The following B3GALT1 variants were observed in gnomAD, a reference collection of about 807,000 sequenced individuals.
B3GALT1 encodes the protein beta-1,3-galactosyltransferase 1.
A neutral mutation model predicts 23.2 loss-of-function variants in B3GALT1; 10 were observed. The observed-to-expected ratio is 0.43, with a 90% CI of 0.27 to 0.73. The LOEUF (loss-of-function observed/expected upper bound fraction) is 0.73. B3GALT1 is among the 30% of genes least tolerant of loss of function. The pLI is 0.21. For missense variants in B3GALT1, 299 were observed against 405.4 expected (o/e 0.74, Z 2.25); for synonymous variants, 156 against 141.5 (o/e 1.10, Z -0.73).
chr2:167,334,467 T>G (rs1212943550), intron 1 of B3GALT1, among the ~76,000 whole-genome samples: 1 of 152,200 alleles, frequency 6.6e-6, no homozygotes, highest in Non-Finnish European at 1.5e-5. Flanking sequence ...ATGAACTGAT[T>G]CATTCAAGTT....
chr2:167,399,492 T>A (rs1040856404), intron 1 of B3GALT1, among the ~76,000 whole-genome samples: 2 of 152,154 alleles, frequency 1.3e-5, no homozygotes, highest in African/African-American at 4.8e-5. Flanking sequence ...CTCTCTTCAT[T>A]CTTTTTTCTT....
intron 2 of B3GALT1, among the ~76,000 whole-genome samples, chr2:167,552,065 CT>C (rs1683757495): frequency 6.6e-6 from 1 of 152,186 alleles, no homozygotes; most frequent in South Asian, 2.1e-4. Flanking sequence ...TTGCTAGTTG[CT>C]GCTAAGAGCT....
At chr2:167,659,350 C>T (rs751563397) in intron 3 of B3GALT1, among the ~76,000 whole-genome samples, 2 of 151,530 alleles carry the variant, frequency 1.3e-5, no homozygotes, top group Admixed American at 6.6e-5. Context: ...GCAAGTACTA[C>T]GGGGTAGTTC....
intron 1 of B3GALT1, among the ~76,000 whole-genome samples, chr2:167,374,836 CTTTAG>C (rs1238561728): frequency 2.2e-4 from 34 of 151,950 alleles, no homozygotes; most frequent in Admixed American, 1.8e-3. Context: ...TGTAGGAGCA[CTTTAG>C]TTTAATTAGG....
At chr2:167,790,074 A>G (rs149002421) in intron 3 of B3GALT1, among the ~76,000 whole-genome samples, 2 of 152,234 alleles carry the variant, frequency 1.3e-5, no homozygotes, top group East Asian at 3.9e-4. Flanking sequence ...CTAATTGTTT[A>G]TTTCATCAGA....
intron 2 of B3GALT1, among the ~76,000 whole-genome samples, chr2:167,548,345 A>G (rs1401467136): frequency 6.6e-6 from 1 of 152,124 alleles, no homozygotes; most frequent in Non-Finnish European, 1.5e-5. Context: ...ACTCCCACCT[A>G]ATACCCATGA....
intron 3 of B3GALT1, among the ~76,000 whole-genome samples, chr2:167,806,241 G>A (rs1001625574): frequency 2.0e-5 from 3 of 152,050 alleles, no homozygotes; most frequent in African/African-American, 7.2e-5. Flanking sequence ...GAGATGATGG[G>A]GTTTTCTAGA....
intron 1 of B3GALT1, among the ~76,000 whole-genome samples, chr2:167,443,850 A>G (rs1380661552): frequency 2.3e-4 from 35 of 152,182 alleles, no homozygotes; most frequent in African/African-American, 8.4e-4. Flanking sequence ...CTAATTGAAT[A>G]TCCTTTCTTT....
At chr2:167,763,829 T>A (rs1048403421) in intron 3 of B3GALT1, among the ~76,000 whole-genome samples, 3 of 151,898 alleles carry the variant, frequency 2.0e-5, no homozygotes, top group African/African-American at 7.3e-5. Flanking sequence ...TACTACATAG[T>A]CTAAGAGCAT....
intron 3 of B3GALT1, among the ~76,000 whole-genome samples, chr2:167,731,956 C>T (rs146563077): frequency 5.7e-4 from 87 of 152,274 alleles, no homozygotes; most frequent in African/African-American, 2.0e-3. Context: ...TTTCACTTTG[C>T]TTTTGACTTA....
chr2:167,383,280 G>C (rs1229556117), intron 1 of B3GALT1, among the ~76,000 whole-genome samples: 1 of 151,424 alleles, frequency 6.6e-6, no homozygotes, highest in Non-Finnish European at 1.5e-5. Flanking sequence ...ATTCAATTCT[G>C]AGTAACTTCT....
chr2:167,838,198 G>A (rs1304967160), intron 4 of B3GALT1, among the ~76,000 whole-genome samples: 1 of 151,600 alleles, frequency 6.6e-6, no homozygotes, highest in African/African-American at 2.4e-5. Flanking sequence ...GAAGGAAATA[G>A]AGACACAAAA....
At chr2:167,812,489 A>T (rs536232866) in intron 3 of B3GALT1, among the ~76,000 whole-genome samples, 1 of 152,336 alleles carries the variant, frequency 6.6e-6, no homozygotes, top group South Asian at 2.1e-4. Context: ...GAAACAACTC[A>T]TTTATCTAGG....
intron 3 of B3GALT1, among the ~76,000 whole-genome samples, chr2:167,729,541 G>T (rs1291587966): frequency 6.6e-6 from 1 of 152,214 alleles, no homozygotes; most frequent in Admixed American, 6.5e-5. Context: ...AGGGCCTGCA[G>T]TGGGAACTTC....
chr2:167,426,476 C>G (rs892814802), intron 1 of B3GALT1, among the ~76,000 whole-genome samples: 9 of 151,878 alleles, frequency 5.9e-5, no homozygotes, highest in Non-Finnish European at 1.3e-4. Flanking sequence ...GCTTTCATCC[C>G]GTTTTGAGGA....
chr2:167,508,817 A>G (rs886735692), intron 2 of B3GALT1, among the ~76,000 whole-genome samples: 3 of 152,262 alleles, frequency 2.0e-5, no homozygotes, highest in African/African-American at 7.2e-5. Context: ...TTTAGCAAAC[A>G]CACATTCAAC....
In B3GALT1 at chr2:167,682,403, A is replaced by G. The variant is rs183432065; in HGVS notation, c.-352+35437A>G. Among the ~76,000 whole-genome samples the G allele has an allele frequency of 3.2e-3, 481 of 152,302 alleles. 4 individuals are homozygous for G. Among genetic ancestry groups the G allele is most frequent in the African/African-American group, 0.011 (466 of 41,562 alleles). On this transcript the variant is annotated intron_variant, in intron 3 of 4. Coordinates refer to ENST00000392690, the MANE Select transcript of B3GALT1 (RefSeq NM_020981.4). ...TAATTTCTGCTGCCATGTTATCACA[A>G]TGGTCCCATTTGCATTGCAAAGTTA...
At chr2:167,298,258 T>C (rs1177697838) in intron 1 of B3GALT1, among the ~76,000 whole-genome samples, 1 of 152,148 alleles carries the variant, frequency 6.6e-6, no homozygotes, top group Non-Finnish European at 1.5e-5. Context: ...TTGATATTTA[T>C]TGCCAGTTCA....
intron 2 of B3GALT1, among the ~76,000 whole-genome samples, chr2:167,601,676 C>G (rs553616715): frequency 1.3e-5 from 2 of 152,182 alleles, no homozygotes; most frequent in African/African-American, 4.8e-5. Flanking sequence ...TGCAGCTAAT[C>G]GAGTGGCAGA....
Sources: gnomAD v4.1 joint callset for allele counts (sites outside exome capture counted in the v4.1 genomes callset) on GRCh38, gnomAD v4.1.1 for gene constraint, MANE v1.5 for transcripts, NCBI Gene and HGNC (gene_info 2026-07-23, HGNC 2026-07-21) for gene names.